Variants in NTM observed in about 807,000 individuals in gnomAD.
NTM encodes the protein IgLON family member 2.
A neutral mutation model predicts 42.1 loss-of-function variants in NTM; 13 were observed. The ratio of observed to expected loss-of-function variants is 0.31; its 90% CI spans 0.20 to 0.49. The LOEUF is 0.49. Ranked by LOEUF, NTM falls within the 20% of genes least tolerant of loss-of-function variation. The pLI, the probability that NTM is intolerant of heterozygous loss-of-function variation, is 0.99. For missense variants in NTM, 373 were observed against 452.8 expected (o/e 0.82, Z 1.60); for synonymous variants, 187 against 179.2 (o/e 1.04, Z -0.35).
At chr11:131,550,606 G>A (rs2054538195) in intron 1 of NTM, among the ~76,000 whole-genome samples, 1 of 151,938 alleles carries the variant, frequency 6.6e-6, no homozygotes, top group African/African-American at 2.4e-5. Context: ...ATCCTCCTTG[G>A]CCATGCTTCC....
intron 1 of NTM, among the ~76,000 whole-genome samples, chr11:131,773,146 G>T (rs1051714529): frequency 2.6e-5 from 4 of 152,172 alleles, no homozygotes; most frequent in African/African-American, 9.7e-5. Flanking sequence ...GTGCCAGCAG[G>T]TCAGTGTCTG....
chr11:131,791,776 C>G (rs2090973370), intron 1 of NTM, among the ~76,000 whole-genome samples: 1 of 152,050 alleles, frequency 6.6e-6, no homozygotes, highest in Admixed American at 6.5e-5. Context: ...ATGAAGAGAC[C>G]CTTAGAAGAC....
At chr11:131,763,711 T>C (rs996060971) in intron 1 of NTM, among the ~76,000 whole-genome samples, 162 of 120,186 alleles carry the variant, frequency 1.3e-3, no homozygotes, top group African/African-American at 5.2e-3. Context: ...CTCTCTCTCT[T>C]TTTTTTTTTT....
chr11:132,162,368 G>T (rs114319259), intron 3 of NTM, among the ~76,000 whole-genome samples: 1 of 150,074 alleles, frequency 6.7e-6, no homozygotes, highest in African/African-American at 2.5e-5. Context: ...GGGGGGGACT[G>T]CGTGAGTGTG....
At position 131,597,784 on chromosome 11, in the gene NTM, C is replaced by T. The variant is rs547819018; in HGVS notation, c.82+226896C>T. Among the ~76,000 whole-genome samples the T allele has an allele frequency of 2.0e-5, 3 of 152,358 alleles. No individual in the cohort carries two copies. In the South Asian group the frequency reaches 6.2e-4, roughly 32 times the overall value. On this transcript the variant is annotated intron_variant, in intron 1 of 8. Transcript: ENST00000683400. ...CTGTGGATCAAGGGAGTGCACATCT[C>T]CCAGCACCAAGCAGCTCCTTGTTAT...
intron 4 of NTM, chr11:132,306,484 G>C (rs2095085607): frequency 6.6e-6 from 1 of 152,222 alleles, no homozygotes; most frequent in African/African-American, 2.4e-5. Flanking sequence ...CAGCACACGA[G>C]AGTTTTGGAG....
At chr11:132,080,649 C>T (rs1429644973) in intron 2 of NTM, among the ~76,000 whole-genome samples, 2 of 152,206 alleles carry the variant, frequency 1.3e-5, no homozygotes, top group African/African-American at 2.4e-5. Context: ...CTTTAAGCTT[C>T]AATGACCTGT....
At chr11:131,647,855 T>C (rs2065957883) in intron 1 of NTM, among the ~76,000 whole-genome samples, 1 of 152,226 alleles carries the variant, frequency 6.6e-6, no homozygotes, top group Admixed American at 6.5e-5. Context: ...GATAGTCTTT[T>C]TGTTAACTTT....
At chr11:132,089,353 G>A (rs2060121481) in intron 2 of NTM, among the ~76,000 whole-genome samples, 1 of 152,164 alleles carries the variant, frequency 6.6e-6, no homozygotes, top group Admixed American at 6.5e-5. Flanking sequence ...AATGCTTCAG[G>A]ATCTTGCTCC....
chr11:131,910,534 C>T (rs1231537309), intron 1 of NTM, among the ~76,000 whole-genome samples: 4 of 151,336 alleles, frequency 2.6e-5, no homozygotes, highest in Non-Finnish European at 5.9e-5. Context: ...CCGCTCGCTC[C>T]GAGGCGGCAC....
intron 4 of NTM, among the ~76,000 whole-genome samples, chr11:132,237,312 G>C (rs1220918604): frequency 3.3e-5 from 5 of 152,082 alleles, no homozygotes; most frequent in African/African-American, 4.8e-5. Context: ...TCGGCTCCAC[G>C]AGGGCCTTTC....
chr11:132,015,405 AT>A (rs963047978), intron 2 of NTM, among the ~76,000 whole-genome samples: 4 of 150,714 alleles, frequency 2.7e-5, no homozygotes, highest in South Asian at 2.1e-4. Context: ...AAATTTTAGG[AT>A]TTTTTTTTCT....
intron 2 of NTM, among the ~76,000 whole-genome samples, chr11:131,983,303 A>G (rs1367562495): frequency 6.6e-6 from 1 of 152,112 alleles, no homozygotes; most frequent in Non-Finnish European, 1.5e-5. Context: ...TAAATTGTGT[A>G]AATTATTAAA....
intron 1 of NTM, among the ~76,000 whole-genome samples, chr11:131,392,397 A>G (rs1239900022): frequency 1.3e-5 from 2 of 151,418 alleles, no homozygotes; most frequent in Admixed American, 6.6e-5. Flanking sequence ...CCTGTGTGCA[A>G]CCATAGAGCC....
chr11:131,982,218 A>G (rs546401686), intron 2 of NTM, among the ~76,000 whole-genome samples: 19 of 152,210 alleles, frequency 1.2e-4, no homozygotes, highest in East Asian at 3.9e-4. Context: ...CACTGTTCTC[A>G]TGGGAAGGGA....
chr11:131,971,368 A>G (rs918444328), intron 2 of NTM, among the ~76,000 whole-genome samples: 1 of 151,872 alleles, frequency 6.6e-6, no homozygotes, highest in Admixed American at 6.5e-5. Context: ...TCTTATGTGT[A>G]TTACCGATTC....
chr11:132,296,407 C>T (rs2094611530), intron 4 of NTM, among the ~76,000 whole-genome samples: 1 of 152,198 alleles, frequency 6.6e-6, no homozygotes, highest in Non-Finnish European at 1.5e-5. Flanking sequence ...TTTGTTCCTT[C>T]TAACATTTTT....
intron 2 of NTM, among the ~76,000 whole-genome samples, chr11:132,011,465 C>T (rs935032418): frequency 1.3e-5 from 2 of 152,156 alleles, no homozygotes; most frequent in African/African-American, 4.8e-5. Flanking sequence ...TGAGCGGTCC[C>T]TAAACATTTG....
At chr11:131,981,827 A>G (rs773200491) in intron 2 of NTM, among the ~76,000 whole-genome samples, 1 of 152,058 alleles carries the variant, frequency 6.6e-6, no homozygotes, top group Non-Finnish European at 1.5e-5. Flanking sequence ...CGTGGTCAAC[A>G]TGGCGAAACC....
Sources: allele counts gnomAD v4.1 joint callset (sites outside exome capture counted in the v4.1 genomes callset), GRCh38; gene constraint gnomAD v4.1.1; transcripts MANE v1.5; gene names NCBI Gene and HGNC (gene_info 2026-07-23, HGNC 2026-07-21).